Variants in TENM2 observed in about 807,000 individuals in gnomAD.
TENM2 encodes teneurin-2.
TENM2 carries 52 observed loss-of-function variants against 245.2 expected under a neutral mutation model. The observed-to-expected ratio is 0.21, with a 90% CI of 0.17 to 0.27. The LOEUF is 0.27. TENM2 is among the 10% of genes least tolerant of loss of function. The pLI is 1.00. For missense variants in TENM2, 3,046 were observed against 3,666.8 expected (o/e 0.83, Z 4.37); for synonymous variants, 1,363 against 1,438.9 (o/e 0.95, Z 1.19).
intron 9 of TENM2, among the ~76,000 whole-genome samples, chr5:168,108,975 C>T (rs1794464259): frequency 6.6e-6 from 1 of 152,218 alleles, no homozygotes; most frequent in Admixed American, 6.5e-5. Flanking sequence ...CGGGTCTCAG[C>T]TGTCCTTCCT....
chr5:167,907,163 C>T (rs1399881600), intron 3 of TENM2, among the ~76,000 whole-genome samples: 1 of 151,866 alleles, frequency 6.6e-6, no homozygotes, highest in African/African-American at 2.4e-5. Context: ...ACTCAGGAGG[C>T]GGAGGTTGCA....
chr5:168,026,119 G>C lies in TENM2; in HGVS notation c.1187-21308G>C, dbSNP rs573009804. Reference sequence around the variant, plus strand: ...AATTTCTTTGCTCTTCTCAAGGTATGATGTCAGGTGGGCCTCTTCTTGGCC... The same window carrying C: ...AATTTCTTTGCTCTTCTCAAGGTATCATGTCAGGTGGGCCTCTTCTTGGCC... On this transcript the variant is annotated intron_variant, in intron 5 of 28. Transcript: ENST00000518659. Among the ~76,000 whole-genome samples, 6 of 152,316 alleles carry C rather than the reference G, an allele frequency of 3.9e-5. No individual in the cohort carries two copies. The South Asian group carries it at 1.2e-3, about 32-fold the overall frequency.
chr5:167,843,731 A>G (rs184981003), intron 2 of TENM2, among the ~76,000 whole-genome samples: 47 of 152,104 alleles, frequency 3.1e-4, no homozygotes, highest in Non-Finnish European at 5.9e-4. Flanking sequence ...CCTCTCCTCC[A>G]CTTTTCTTTT....
chr5:168,070,371 A>T (rs1485045087), intron 7 of TENM2, among the ~76,000 whole-genome samples: 2 of 152,174 alleles, frequency 1.3e-5, no homozygotes, highest in African/African-American at 2.4e-5. Flanking sequence ...AAGTGTATTC[A>T]TTATAAGTGG....
At chr5:167,507,650 G>C (rs1335306928) in intron 2 of TENM2, among the ~76,000 whole-genome samples, 1 of 152,032 alleles carries the variant, frequency 6.6e-6, no homozygotes, top group Admixed American at 6.6e-5. Context: ...CTTCAACCCT[G>C]TCAAACTGTA....
chr5:167,494,541 A>G (rs552251688), intron 2 of TENM2, among the ~76,000 whole-genome samples: 1 of 152,204 alleles, frequency 6.6e-6, no homozygotes, highest in African/African-American at 2.4e-5. Flanking sequence ...TTCGACAATC[A>G]CTGATCCTAT....
the TENM2 span, among the ~76,000 whole-genome samples, chr5:167,183,457 C>A: frequency 1.3e-5 from 2 of 152,082 alleles, no homozygotes; most frequent in Non-Finnish European, 2.9e-5. Flanking sequence ...ATATAGCCAA[C>A]CTCTTCCTTG....
At chr5:168,145,804 AC>A (rs1430154897) in intron 12 of TENM2, among the ~76,000 whole-genome samples, 1 of 149,684 alleles carries the variant, frequency 6.7e-6, no homozygotes, top group African/African-American at 2.5e-5. Context: ...GATTCTTCCT[AC>A]CCATGAGCAT....
intron 2 of TENM2, among the ~76,000 whole-genome samples, chr5:167,378,458 T>C (rs979061318): frequency 6.6e-6 from 1 of 151,666 alleles, no homozygotes; most frequent in African/African-American, 2.4e-5. Flanking sequence ...ATTAACATTG[T>C]GCTGGCTTGG....
At chr5:168,205,768 T>G (rs2152541516) in intron 19 of TENM2, among the ~76,000 whole-genome samples, 1 of 152,260 alleles carries the variant, frequency 6.6e-6, no homozygotes, top group South Asian at 2.1e-4. Context: ...AAGAGTACAT[T>G]GTATTGCAAT....
the TENM2 span, among the ~76,000 whole-genome samples, chr5:167,094,535 G>A: frequency 6.6e-6 from 1 of 151,956 alleles, no homozygotes. Context: ...AAAAAAACAG[G>A]CAGCTAGGTC....
chr5:167,959,711 A>G (rs2151878835), intron 4 of TENM2, among the ~76,000 whole-genome samples: 1 of 152,230 alleles, frequency 6.6e-6, no homozygotes, highest in African/African-American at 2.4e-5. Flanking sequence ...TCAATTCATC[A>G]AACTCATTCT....
chr5:167,045,002 TG>T, the TENM2 span, among the ~76,000 whole-genome samples: 6 of 150,432 alleles, frequency 4.0e-5, no homozygotes, highest in Admixed American at 6.6e-5. Context: ...TTTCAGAAGC[TG>T]ATGGGGAAGA....
chr5:167,315,516 G>A (rs1432998404), intron 1 of TENM2, among the ~76,000 whole-genome samples: 6 of 152,044 alleles, frequency 3.9e-5, no homozygotes, highest in African/African-American at 1.2e-4. Flanking sequence ...ATTAAGCATA[G>A]CTCAAACAAA....
the TENM2 span, among the ~76,000 whole-genome samples, chr5:167,009,338 G>A: frequency 1.2e-3 from 186 of 152,050 alleles, 1 homozygote; most frequent in East Asian, 0.011. Context: ...TTTCCTTTTT[G>A]ATACATTCAT....
At chr5:168,078,088 C>T (rs551113946) in intron 7 of TENM2, among the ~76,000 whole-genome samples, 7 of 152,164 alleles carry the variant, frequency 4.6e-5, no homozygotes, top group South Asian at 4.2e-4. Context: ...CTCCAGCACC[C>T]GTTGTTTCCT....
intron 2 of TENM2, among the ~76,000 whole-genome samples, chr5:167,380,538 A>G (rs184219718): frequency 2.0e-5 from 3 of 152,254 alleles, no homozygotes; most frequent in East Asian, 3.9e-4. Context: ...AGTTATTTAT[A>G]TATTTCTTTC....
At chr5:167,062,553 A>G in the TENM2 span, among the ~76,000 whole-genome samples, 2 of 152,188 alleles carry the variant, frequency 1.3e-5, no homozygotes, top group African/African-American at 4.8e-5. Flanking sequence ...AATTATAAGT[A>G]TTGTATAACT....
intron 2 of TENM2, among the ~76,000 whole-genome samples, chr5:167,392,086 C>G (rs537086742): frequency 6.6e-6 from 1 of 152,210 alleles, no homozygotes; most frequent in Non-Finnish European, 1.5e-5. Flanking sequence ...TGGCTTTTAT[C>G]ATCTCTCAAC....
Sources: allele counts gnomAD v4.1 joint callset (sites outside exome capture counted in the v4.1 genomes callset), GRCh38; gene constraint gnomAD v4.1.1; transcripts MANE v1.5; gene names NCBI Gene and HGNC (gene_info 2026-07-23, HGNC 2026-07-21).